Variants in CRYGC observed in about 807,000 individuals in gnomAD.
The protein encoded by CRYGC is crystallin gamma C, also known as gamma-crystallin C.
A neutral mutation model predicts 21.9 loss-of-function variants in CRYGC; 14 were observed. The observed-to-expected ratio is 0.64, with a 90% CI of 0.42 to 1.00. The LOEUF is 1.00. CRYGC is among the 50% of genes least tolerant of loss of function. The pLI, the probability that CRYGC is intolerant of heterozygous loss-of-function variation, is 0.00. For missense variants in CRYGC, 235 were observed against 234.2 expected (o/e 1.00, Z -0.02); for synonymous variants, 96 against 89.8 (o/e 1.07, Z -0.39).
rs368875725 is a variant in CRYGC at position 208,128,278 on chromosome 2, C to A, written c.450G>T (p.Glu150Asp). 120 of 1,614,112 alleles carry A rather than the reference C, an allele frequency of 7.4e-5. No individual in the cohort carries two copies. The highest frequency in any genetic ancestry group is 9.6e-5 in the Non-Finnish European group (113 of 1,180,042). ...CCCCCCAGTCCTGGCACCGCCTGTA[C>A]TCTTGGGGCCTCAGCAGGTATTGCC... Reference protein sequence around the residue: ...RGRQYLLRPQEYRRCQDWGAM... With the variant: ...RGRQYLLRPQDYRRCQDWGAM... Residue 150 changes from glutamate to aspartate, a missense_variant, in exon 3 of 3, where the codon GAG (glutamate) becomes GAT (aspartate). Glu to Asp is a conservative substitution (Grantham distance 45). Transcript: ENST00000282141.
intron 1 of CRYGC, 21 bp from the exon 2 acceptor site, chr2:208,129,704 C>G: frequency 6.2e-7 from 1 of 1,614,174 alleles, no homozygotes; most frequent in Non-Finnish European, 8.5e-7. Flanking sequence ...AGAATCGTTC[C>G]GAATTACATT....
rs1240931535 is a variant in CRYGC at position 208,129,439 on chromosome 2, A to G, written c.252+2T>C. 1 of 1,612,660 alleles carries G rather than the reference A, an allele frequency of 6.2e-7. No homozygotes were observed. Among genetic ancestry groups the G allele is most frequent in the South Asian group, 1.1e-5 (1 of 91,020 alleles). ...GGCATGATGGAAATCTAGAAAACTCACTTGGGGGATGAGACAACAGGAGCG... is the reference window on the plus strand; with the variant it reads ...GGCATGATGGAAATCTAGAAAACTCGCTTGGGGGATGAGACAACAGGAGCG... On this transcript the variant is annotated splice_donor_variant, in intron 2 of 2. Transcript: ENST00000282141. LOFTEE classifies it high-confidence loss of function.
chr2:208,129,405 G>A (rs1165551480), intron 2 of CRYGC, 36 bp downstream of exon 2: 2 of 1,610,980 alleles, frequency 1.2e-6, no homozygotes, highest in East Asian at 4.5e-5. Flanking sequence ...ATACAGTGGG[G>A]ACTCTGGCGG....
Position 208,128,381 on chromosome 2 carries a change from A to T in CRYGC, c.347T>A (p.Phe116Tyr). Residue 116 changes from phenylalanine to tyrosine, a missense_variant, in exon 3 of 3, where the codon TTC (phenylalanine) becomes TAC (tyrosine). Phe to Tyr is a conservative substitution (Grantham distance 22). Transcript: ENST00000282141. ...SEDCPSIQDR[F>Y]HLSEIRSLHV... ...GAGGGAACGGATCTCGCTGAGGTGG[A>T]AGCGGTCCTGGATGCTGGGGCAGTC... 1 of 1,614,100 alleles carries T rather than the reference A, an allele frequency of 6.2e-7. No individual in the cohort carries two copies. The highest frequency in any genetic ancestry group is 2.2e-5 in the East Asian group (1 of 44,866).
At position 208,129,458 on chromosome 2, in the gene CRYGC, A is replaced by T; in HGVS notation, c.235T>A (p.Cys79Ser). The change falls in exon 2 of 3, where the codon TGT becomes AGT. Residue 79 changes from cysteine (C) to serine (S), a missense_variant. By Grantham distance (112) the Cys-to-Ser change is moderately radical (BLOSUM62 -1). Transcript: ENST00000282141. ...AAACTCACTTGGGGGATGAGACAAC[A>T]GGAGCGGATGGAGTCGCTGAGGCCC... ...WMGLSDSIRS[C>S]CLIPQTVSHR... The T allele has an allele frequency of 6.2e-7, 1 of 1,613,452 alleles. No individual in the cohort carries two copies. Among genetic ancestry groups the T allele is most frequent in the Non-Finnish European group, 8.5e-7 (1 of 1,180,024 alleles).
At chr2:208,129,384 C>T in intron 2 of CRYGC, 57 bp downstream of exon 2, 2 of 1,604,068 alleles carry the variant, frequency 1.2e-6, no homozygotes, top group Non-Finnish European at 1.7e-6. Flanking sequence ...TCCCTGTAAC[C>T]CACATTGACA....
rs753475601 is a variant in CRYGC at position 208,129,786 on chromosome 2, T to G, written c.7A>C (p.Lys3Gln). ...TATTTAATTTGTGTTCTGCTCACCT[T>G]CCCCATGGCTGGTTGACACGGATGA... MG[K>Q]ITFYEDRAFQ... Residue 3 changes from lysine to glutamine, a missense_variant and splice_region_variant, in exon 1 of 3, where the codon AAG becomes CAG. Physicochemically the swap from Lys to Gln is moderately conservative, Grantham distance 53. Transcript: ENST00000282141. 1 of 1,614,170 alleles carries G rather than the reference T, an allele frequency of 6.2e-7. No individual in the cohort carries two copies. The highest frequency in any genetic ancestry group is 8.5e-7 in the Non-Finnish European group (1 of 1,180,020).
chr2:208,128,143 G>A lies in CRYGC; in HGVS notation c.*60C>T. 1 of 1,589,590 alleles carries A rather than the reference G, an allele frequency of 6.3e-7. No homozygotes were observed. On this transcript the variant is annotated 3_prime_UTR_variant, in exon 3 of 3. Coordinates refer to ENST00000282141, the MANE Select transcript of CRYGC (RefSeq NM_020989.4). The stretch of plus-strand genomic sequence containing the variant: ...GAATGACAGAAGTCAGCAATTGCCA[G>A]CAATGCAGACTAAATATTTATTAGG...
rs546890057 is a variant in CRYGC at position 208,129,638 on chromosome 2, T to C, written c.55A>G (p.Thr19Ala). ...TGCAGGTTGGGGCAGTCAGTGGTGG[T>C]TTCGTAGCTGCGGCCCTGGAAGGCC... ...DRAFQGRSYE[T>A]TTDCPNLQPY... is the part of the protein sequence containing the mutation. Residue 19 changes from threonine (T) to alanine (A), a missense_variant, in exon 2 of 3, where the codon ACC becomes GCC. Coordinates refer to ENST00000282141, the MANE Select transcript of CRYGC (RefSeq NM_020989.4). 3.5e-5 allele frequency: 56 copies of C among 1,614,202 alleles called. No homozygotes were observed. In the East Asian group the frequency reaches 1.2e-3, roughly 33 times the overall value.
Position 208,128,517 on chromosome 2 carries a change from G to A in CRYGC, c.253-42C>T, listed in dbSNP as rs201279353. The A allele has an allele frequency of 1.1e-5, 18 of 1,612,232 alleles. No individual in the cohort carries two copies. The Admixed American group carries it at 1.7e-4, about 15-fold the overall frequency. On this transcript the variant is annotated intron_variant, in intron 2 of 2. Coordinates refer to ENST00000282141, the MANE Select transcript of CRYGC (RefSeq NM_020989.4). ...AAGAAGGATGGAAAAAAGCAAATGA[G>A]TCTCTTCCAGAATTTGTCCAACCAA...
Position 208,128,403 on chromosome 2 carries a change from A to C in CRYGC, c.325T>G (p.Cys109Gly). Residue 109 changes from cysteine to glycine, a missense_variant, in exon 3 of 3, where the codon TGC becomes GGC. Physicochemically the swap from Cys to Gly is radical, Grantham distance 159. Coordinates refer to ENST00000282141, the MANE Select transcript of CRYGC (RefSeq NM_020989.4). ...KGLMMELSEDCPSIQDRFHLS... is the reference protein window; with the variant it reads ...KGLMMELSEDGPSIQDRFHLS... The stretch of plus-strand genomic sequence containing the variant: ...TGGAAGCGGTCCTGGATGCTGGGGC[A>C]GTCTTCACTCAGCTCCATCATGAGG... 1.2e-6 allele frequency: 2 copies of C among 1,614,182 alleles called. No homozygotes were observed. The highest frequency in any genetic ancestry group is 1.7e-6 in the Non-Finnish European group (2 of 1,180,022).
Position 208,129,464 on chromosome 2 carries a change from G to C in CRYGC, c.229C>G (p.Arg77Gly), listed in dbSNP as rs746609116. The C allele has an allele frequency of 1.2e-6, 2 of 1,613,462 alleles. No individual in the cohort carries two copies. The highest frequency in any genetic ancestry group is 1.7e-6 in the Non-Finnish European group (2 of 1,180,046). Residue 77 changes from arginine (R) to glycine (G), a missense_variant, in exon 2 of 3, where the codon CGC (arginine) becomes GGC (glycine). Arg to Gly is a moderately radical substitution (Grantham distance 125). Coordinates refer to ENST00000282141, the MANE Select transcript of CRYGC (RefSeq NM_020989.4). ...ACTTGGGGGATGAGACAACAGGAGC[G>C]GATGGAGTCGCTGAGGCCCATCCAT... Reference protein sequence around the residue: ...QQWMGLSDSIRSCCLIPQTVS... With the variant: ...QQWMGLSDSIGSCCLIPQTVS...
Position 208,129,421 on chromosome 2 carries a change from T to C in CRYGC, c.252+20A>G. On this transcript the variant is annotated intron_variant, in intron 2 of 2. Coordinates refer to ENST00000282141, the MANE Select transcript of CRYGC (RefSeq NM_020989.4). ...TACAGTGGGGACTCTGGCGGCATGA[T>C]GGAAATCTAGAAAACTCACTTGGGG... 2 of 1,611,806 alleles carry C rather than the reference T, an allele frequency of 1.2e-6. No homozygotes were observed. The highest frequency in any genetic ancestry group is 8.5e-7 in the Non-Finnish European group (1 of 1,179,650).
chr2:208,128,710 A>G (rs1017999449), intron 2 of CRYGC, among the ~76,000 whole-genome samples: 2 of 152,164 alleles, frequency 1.3e-5, no homozygotes, highest in African/African-American at 4.8e-5. Context: ...TATTTAGGAG[A>G]TGGAATTTTT....
At chr2:208,128,600 T>A in intron 2 of CRYGC, 125 bp from the exon 3 acceptor site, 1 of 1,161,776 alleles carries the variant, frequency 8.6e-7, no homozygotes, top group East Asian at 2.5e-5. Flanking sequence ...ATTTAGACAG[T>A]GTAAAATGTA....
chr2:208,128,475 T>C lies in CRYGC; in HGVS notation c.253A>G (p.Thr85Ala). The C allele has an allele frequency of 1.2e-6, 2 of 1,614,200 alleles. No homozygotes were observed. Among genetic ancestry groups the C allele is most frequent in the Non-Finnish European group, 1.7e-6 (2 of 1,180,030 alleles). The part of the protein sequence containing the change: ...SIRSCCLIPQ[T>A]VSHRLRLYER... ...TACAGCCGCAGCCTGTGGGAGACTGTCTACTCGGTCCACAGAAAGAAGGAT... is the reference window on the plus strand; with the variant it reads ...TACAGCCGCAGCCTGTGGGAGACTGCCTACTCGGTCCACAGAAAGAAGGAT... Residue 85 changes from threonine to alanine, a missense_variant and splice_region_variant, in exon 3 of 3, where the codon ACA (threonine) becomes GCA (alanine). By Grantham distance (58) the Thr-to-Ala change is moderately conservative. Coordinates refer to ENST00000282141, the MANE Select transcript of CRYGC (RefSeq NM_020989.4).
chr2:208,128,315 T>C lies in CRYGC; in HGVS notation c.413A>G (p.Asn138Ser), dbSNP rs757589647. 11 of 1,614,082 alleles carry C rather than the reference T, an allele frequency of 6.8e-6. No individual in the cohort carries two copies. The Admixed American group carries it at 1.3e-4, about 20-fold the overall frequency. The change falls in exon 3 of 3, where the codon AAC becomes AGC. Residue 138 changes from asparagine (N) to serine (S), a missense_variant. Transcript: ENST00000282141. The stretch of plus-strand genomic sequence containing the variant: ...CAGCAGGTATTGCCGCCCCCGGTAG[T>C]TGGGCAGCTCGTAGAGGACCCAGCA... ...EGCWVLYELP[N>S]YRGRQYLLRP...
rs1321774516 is a variant in CRYGC at position 208,129,436 on chromosome 2, C to T, written c.252+5G>A. 1.2e-6 allele frequency: 2 copies of T among 1,612,438 alleles called. No individual in the cohort carries two copies. On this transcript the variant is annotated splice_donor_5th_base_variant and intron_variant, in intron 2 of 2. Coordinates refer to ENST00000282141, the MANE Select transcript of CRYGC (RefSeq NM_020989.4). ...GGCGGCATGATGGAAATCTAGAAAA[C>T]TCACTTGGGGGATGAGACAACAGGA...
chr2:208,128,577 T>C (rs1695037124), intron 2 of CRYGC, 102 bp from the exon 3 acceptor site: 1 of 1,387,928 alleles, frequency 7.2e-7, no homozygotes, highest in Non-Finnish European at 1.0e-6. Flanking sequence ...TGGCATGGAA[T>C]TGTCATTGTA....
Sources: allele counts gnomAD v4.1 joint callset (sites outside exome capture counted in the v4.1 genomes callset), GRCh38; gene constraint gnomAD v4.1.1; transcripts MANE v1.5; gene names NCBI Gene and HGNC (gene_info 2026-07-23, HGNC 2026-07-21).